Variants in ATXN1 observed in about 807,000 individuals in gnomAD.
ATXN1 encodes the protein ataxin-1.
A neutral mutation model predicts 56.4 loss-of-function variants in ATXN1; 8 were observed. The ratio of observed to expected loss-of-function variants is 0.14; its 90% CI spans 0.08 to 0.26. ATXN1 has a LOEUF of 0.26. Among genes scored for constraint, ATXN1 ranks in the 10% least tolerant of loss-of-function variants. The pLI, the probability that ATXN1 is intolerant of heterozygous loss-of-function variation, is 1.00. For synonymous variants in ATXN1, 514 were observed against 494.6 expected, an observed-to-expected ratio of 1.04 and a Z score of -0.52; for missense variants, 987 against 1,106.5, an observed-to-expected ratio of 0.89 and a Z score of 1.53.
At chr6:16,627,054 G>C (rs1396525867) in intron 3 of ATXN1, among the ~76,000 whole-genome samples, 2 of 152,244 alleles carry the variant, frequency 1.3e-5, no homozygotes, top group African/African-American at 4.8e-5. Context: ...GCCCTTGTTT[G>C]AGATGGAGCT....
chr6:16,505,673 C>T (rs1291522650), intron 5 of ATXN1, among the ~76,000 whole-genome samples: 1 of 152,070 alleles, frequency 6.6e-6, no homozygotes, highest in African/African-American at 2.4e-5. Flanking sequence ...CTTAAATTTC[C>T]GGAAATATTG....
intron 6 of ATXN1, among the ~76,000 whole-genome samples, chr6:16,484,750 A>G (rs1390149575): frequency 6.6e-6 from 1 of 152,212 alleles, no homozygotes; most frequent in African/African-American, 2.4e-5. Flanking sequence ...ATACATATGC[A>G]TATTTTAATA....
chr6:16,662,736 G>A (rs1758345001), intron 2 of ATXN1, among the ~76,000 whole-genome samples: 1 of 152,144 alleles, frequency 6.6e-6, no homozygotes, highest in African/African-American at 2.4e-5. Context: ...AAAACAGAAA[G>A]GTAGCCTCTT....
intron 6 of ATXN1, among the ~76,000 whole-genome samples, chr6:16,383,951 A>G (rs1022242096): frequency 6.6e-6 from 1 of 152,218 alleles, no homozygotes; most frequent in African/African-American, 2.4e-5. Flanking sequence ...ACAAAAGACT[A>G]GCCAATGCCA....
At chr6:16,382,744 T>G (rs971881115) in intron 6 of ATXN1, among the ~76,000 whole-genome samples, 2 of 152,054 alleles carry the variant, frequency 1.3e-5, no homozygotes, top group African/African-American at 2.4e-5. Context: ...TCCAATCTTT[T>G]GGCTTCCCTG....
At chr6:16,499,414 C>T (rs947554306) in intron 5 of ATXN1, among the ~76,000 whole-genome samples, 1 of 152,136 alleles carries the variant, frequency 6.6e-6, no homozygotes, top group Non-Finnish European at 1.5e-5. Flanking sequence ...TTTCCTCATC[C>T]CACATTTTAA....
At chr6:16,486,511 G>T (rs910901813) in intron 5 of ATXN1, among the ~76,000 whole-genome samples, 3 of 152,172 alleles carry the variant, frequency 2.0e-5, no homozygotes, top group Non-Finnish European at 4.4e-5. Flanking sequence ...TTCCCGAGAA[G>T]AAATCCACTA....
intron 6 of ATXN1, among the ~76,000 whole-genome samples, chr6:16,398,312 G>C (rs909811476): frequency 3.3e-5 from 5 of 152,292 alleles, no homozygotes; most frequent in African/African-American, 1.2e-4. Context: ...TCCTAGGCAG[G>C]TGGGCATCAT....
At chr6:16,507,857 T>A (rs762120039) in intron 5 of ATXN1, among the ~76,000 whole-genome samples, 37 of 152,198 alleles carry the variant, frequency 2.4e-4, no homozygotes, top group Non-Finnish European at 5.1e-4. Context: ...AAGCACTGGA[T>A]GTCACTATAA....
intron 3 of ATXN1, among the ~76,000 whole-genome samples, chr6:16,618,994 T>C (rs1763270458): frequency 6.6e-6 from 1 of 151,976 alleles, no homozygotes; most frequent in Admixed American, 6.5e-5. Context: ...GAATGGCCAA[T>C]TTAAAAAAGA....
chr6:16,704,452 G>A (rs1335043261), intron 2 of ATXN1, among the ~76,000 whole-genome samples: 1 of 133,852 alleles, frequency 7.5e-6, no homozygotes, highest in Non-Finnish European at 1.7e-5. Context: ...GTGCTTACTT[G>A]CCCAGGGACT....
chr6:16,752,995 A>G (rs1760769094), intron 2 of ATXN1: 2 of 296,492 alleles, frequency 6.7e-6, no homozygotes, highest in Admixed American at 9.3e-5. Context: ...CAATCATCGC[A>G]AAGTCAAATG....
intron 5 of ATXN1, among the ~76,000 whole-genome samples, chr6:16,487,857 C>T (rs1760581215): frequency 6.6e-6 from 1 of 152,132 alleles, no homozygotes; most frequent in South Asian, 2.1e-4. Context: ...AACATTCGAA[C>T]AGGAAAGTCA....
At chr6:16,350,179 C>T (rs891745150) in intron 6 of ATXN1, among the ~76,000 whole-genome samples, 1 of 152,200 alleles carries the variant, frequency 6.6e-6, no homozygotes, top group Non-Finnish European at 1.5e-5. Flanking sequence ...CTGTTTACAA[C>T]AAAGCTCATT....
chr6:16,563,996 T>C (rs1331894011), intron 4 of ATXN1, among the ~76,000 whole-genome samples: 3 of 152,148 alleles, frequency 2.0e-5, no homozygotes, highest in Non-Finnish European at 2.9e-5. Context: ...TGGGATCATA[T>C]CATGAGGGAG....
chr6:16,419,936 C>T (rs765752465), intron 6 of ATXN1, among the ~76,000 whole-genome samples: 2 of 152,152 alleles, frequency 1.3e-5, no homozygotes, highest in Non-Finnish European at 2.9e-5. Flanking sequence ...AGTGTGGGTC[C>T]TCATTCTCTG....
intron 6 of ATXN1, among the ~76,000 whole-genome samples, chr6:16,390,467 T>C (rs1008454224): frequency 2.0e-5 from 3 of 152,134 alleles, no homozygotes; most frequent in South Asian, 4.1e-4. Context: ...ATCCCTGAAA[T>C]AGATGAACAG....
rs1281961249 is a variant in ATXN1 at position 16,395,143 on chromosome 6, T to C, written c.-160-66673A>G. 2.6e-5 allele frequency among the ~76,000 whole-genome samples: 4 copies of C among 151,936 alleles called. No individual in the cohort carries two copies. In the East Asian group the frequency reaches 5.8e-4, roughly 22 times the overall value. Reference sequence around the variant, plus strand: ...AAAATTAGCTGGGCATGGTGGCTCATGCCTGTAATCACACTACTCAGGAGG... The same window carrying C: ...AAAATTAGCTGGGCATGGTGGCTCACGCCTGTAATCACACTACTCAGGAGG... On this transcript the variant is annotated intron_variant, in intron 6 of 7. Coordinates refer to ENST00000436367, the MANE Select transcript of ATXN1 (RefSeq NM_001128164.2).
rs867917788 is a variant in ATXN1, at chr6:16,327,418, C to T, written c.893G>A (p.Ser298Asn). 1 of 1,613,764 alleles carries T rather than the reference C, an allele frequency of 6.2e-7. No homozygotes were observed. The highest frequency in any genetic ancestry group is 8.5e-7 in the Non-Finnish European group (1 of 1,179,988). The change falls in exon 7 of 8, where the codon AGC becomes AAC. Residue 298 changes from serine (S) to asparagine (N), a missense_variant. By Grantham distance (46) the Ser-to-Asn change is conservative. Transcript: ENST00000436367. The part of the protein sequence containing the change: ...QVVMQYADSG[S>N]HFVPREATKK... ...GGTGGCCTCCCGAGGGACAAAGTGG[C>T]TGCCGGAGTCGGCGTATTGCATGAC... is the stretch of plus-strand genomic sequence containing the variant.
Sources: allele counts gnomAD v4.1 joint callset (sites outside exome capture counted in the v4.1 genomes callset), GRCh38; gene constraint gnomAD v4.1.1; transcripts MANE v1.5; gene names NCBI Gene and HGNC (gene_info 2026-07-23, HGNC 2026-07-21).